Variants in DLG2 observed in about 807,000 individuals in gnomAD.
DLG2 encodes the protein discs large MAGUK scaffold protein 2.
In DLG2, 45 loss-of-function variants were observed where a neutral mutation model predicts 132.5. The observed-to-expected ratio is 0.34, with a 90% CI of 0.27 to 0.44. DLG2 has a LOEUF of 0.44. Ranked by LOEUF, DLG2 falls within the 20% of genes least tolerant of loss-of-function variation. The pLI, the probability that DLG2 is intolerant of heterozygous loss-of-function variation, is 1.00. For synonymous variants in DLG2, 424 were observed against 419.6 expected (o/e 1.01, Z -0.13); for missense variants, 1,045 against 1,196.9 (o/e 0.87, Z 1.87).
intron 3 of DLG2, among the ~76,000 whole-genome samples, chr11:85,332,990 G>T (rs951313092): frequency 2.0e-5 from 3 of 152,124 alleles, no homozygotes; most frequent in Admixed American, 2.0e-4. Context: ...TTTGAAAAAT[G>T]TCATTGCTAG....
At chr11:85,116,081 C>A (rs965889770) in intron 5 of DLG2, among the ~76,000 whole-genome samples, 2 of 151,924 alleles carry the variant, frequency 1.3e-5, no homozygotes, top group Admixed American at 1.3e-4. Flanking sequence ...AAAAAGAGGT[C>A]AAAACGTGAT....
Position 84,878,770 on chromosome 11 carries a change from G to A in DLG2, c.357+232891C>T, listed in dbSNP as rs567117084. Reference sequence around the variant, plus strand: ...TTGTGGAAACAGATCTTCTCTAACAGAAAAATATAAGTGAGCTACAAGACA... The same window carrying A: ...TTGTGGAAACAGATCTTCTCTAACAAAAAAATATAAGTGAGCTACAAGACA... On this transcript the variant is annotated intron_variant, in intron 6 of 27. Coordinates refer to ENST00000376104, the MANE Select transcript of DLG2 (RefSeq NM_001142699.3). 6.1e-4 allele frequency among the ~76,000 whole-genome samples: 93 copies of A among 152,238 alleles called. No homozygotes were observed. In the South Asian group the frequency reaches 0.018, roughly 29 times the overall value.
chr11:84,245,551 C>T (rs2097292258), intron 8 of DLG2, among the ~76,000 whole-genome samples: 1 of 152,098 alleles, frequency 6.6e-6, no homozygotes, highest in African/African-American at 2.4e-5. Context: ...AAACTTCTCC[C>T]TTGTCTCCAC....
chr11:83,706,768 G>A (rs1166322360), intron 18 of DLG2, among the ~76,000 whole-genome samples: 3 of 152,182 alleles, frequency 2.0e-5, no homozygotes, highest in Non-Finnish European at 4.4e-5. Flanking sequence ...AGTGGCGAGT[G>A]GGCTCTCGGG....
intron 18 of DLG2, among the ~76,000 whole-genome samples, chr11:83,689,951 ATAT>A (rs2080599463): frequency 7.2e-6 from 1 of 138,780 alleles, no homozygotes; most frequent in African/African-American, 2.6e-5. Context: ...TATATTATAT[ATAT>A]TTATATAATA....
At chr11:85,208,789 C>A (rs1437834049) in intron 4 of DLG2, among the ~76,000 whole-genome samples, 1 of 151,960 alleles carries the variant, frequency 6.6e-6, no homozygotes, top group African/African-American at 2.4e-5. Flanking sequence ...AGAGGTGAAC[C>A]ACAAAATCAG....
chr11:85,097,888 C>T (rs1006706017), intron 6 of DLG2, among the ~76,000 whole-genome samples: 1 of 152,184 alleles, frequency 6.6e-6, no homozygotes, highest in Admixed American at 6.5e-5. Flanking sequence ...CCTTACTCTG[C>T]ATGCAATATT....
At chr11:83,572,241 C>A (rs1385974857) in intron 19 of DLG2, among the ~76,000 whole-genome samples, 1 of 151,822 alleles carries the variant, frequency 6.6e-6, no homozygotes, top group Non-Finnish European at 1.5e-5. Flanking sequence ...AAGCATACAC[C>A]CTTTGGGCTT....
intron 18 of DLG2, among the ~76,000 whole-genome samples, chr11:83,742,396 A>C (rs2092593557): frequency 6.6e-6 from 1 of 152,144 alleles, no homozygotes; most frequent in Non-Finnish European, 1.5e-5. Flanking sequence ...TAGTACTCTA[A>C]GGAAAAAAAA....
At chr11:83,740,516 T>C (rs988075277) in intron 18 of DLG2, among the ~76,000 whole-genome samples, 1 of 152,198 alleles carries the variant, frequency 6.6e-6, no homozygotes, top group Non-Finnish European at 1.5e-5. Context: ...GCAGTACTTC[T>C]GGGAGAAGTA....
At position 84,502,760 on chromosome 11, in the gene DLG2, G is replaced by T. The variant is rs73525726; in HGVS notation, c.519+31810C>A. Among the ~76,000 whole-genome samples the T allele has an allele frequency of 1.3e-3, 201 of 151,988 alleles. 1 individual carries two copies. Among genetic ancestry groups the T allele is most frequent in the African/African-American group, 4.6e-3 (191 of 41,456 alleles). On this transcript the variant is annotated intron_variant, in intron 7 of 27. Coordinates refer to ENST00000376104, the MANE Select transcript of DLG2 (RefSeq NM_001142699.3). ...GAGTGTTTACTTATTTCACTATGTAGGTCTACAGATTATCCAGCCCTTTAA... is the reference window on the plus strand; with the variant it reads ...GAGTGTTTACTTATTTCACTATGTATGTCTACAGATTATCCAGCCCTTTAA...
intron 6 of DLG2, among the ~76,000 whole-genome samples, chr11:84,728,334 T>A (rs1443855862): frequency 6.6e-6 from 1 of 152,194 alleles, no homozygotes; most frequent in Non-Finnish European, 1.5e-5. Context: ...CTTTTCTGCA[T>A]CTATTGAGAT....
intron 18 of DLG2, among the ~76,000 whole-genome samples, chr11:83,763,843 G>A (rs1593909694): frequency 6.6e-6 from 1 of 152,176 alleles, no homozygotes; most frequent in East Asian, 1.9e-4. Context: ...CTACAATATT[G>A]TCTGTCCTTC....
rs187205338 is a variant in DLG2, at chr11:85,108,280, G to A, written c.357+3381C>T. 9.9e-5 allele frequency among the ~76,000 whole-genome samples: 15 copies of A among 152,144 alleles called. No homozygotes were observed. The East Asian group carries it at 2.9e-3, about 29-fold the overall frequency. Reference sequence around the variant, plus strand: ...GAGCAAGAATAGGACAGTGGAGAAAGGAATGTAGGAGAGAATAAACTGAAT... The same window carrying A: ...GAGCAAGAATAGGACAGTGGAGAAAAGAATGTAGGAGAGAATAAACTGAAT... On this transcript the variant is annotated intron_variant, in intron 6 of 27. Coordinates refer to ENST00000376104, the MANE Select transcript of DLG2 (RefSeq NM_001142699.3).
intron 6 of DLG2, among the ~76,000 whole-genome samples, chr11:84,667,498 G>GTTTTTTTTTTTTTTTTTTT (rs57863742): frequency 1.2e-4 from 15 of 122,238 alleles, no homozygotes; most frequent in South Asian, 2.7e-4. Context: ...TTTGTTTTTT[G>GTTTTTTTTTTTTTTTTTTT]TTTTTTTTTT....
At chr11:83,672,714 G>A (rs2077032520) in intron 18 of DLG2, among the ~76,000 whole-genome samples, 2 of 152,056 alleles carry the variant, frequency 1.3e-5, no homozygotes, top group Admixed American at 6.6e-5. Context: ...TTGTGTTGAG[G>A]CATCATGTGA....
intron 15 of DLG2, among the ~76,000 whole-genome samples, chr11:83,884,991 T>TG (rs1351295497): frequency 6.6e-6 from 1 of 151,774 alleles, no homozygotes; most frequent in Non-Finnish European, 1.5e-5. Flanking sequence ...ACCACAAAGA[T>TG]GGGGAAAAAA....
chr11:83,635,306 C>G (rs12273560), intron 18 of DLG2, among the ~76,000 whole-genome samples: 1 of 152,008 alleles, frequency 6.6e-6, no homozygotes, highest in Non-Finnish European at 1.5e-5. Flanking sequence ...TTGAGCAAGT[C>G]GTATTTTCTT....
At chr11:83,515,503 T>G (rs572254270) in intron 21 of DLG2, among the ~76,000 whole-genome samples, 4 of 152,124 alleles carry the variant, frequency 2.6e-5, no homozygotes, top group Non-Finnish European at 5.9e-5. Context: ...TTTTGAAGGG[T>G]TTTTTGTGTC....
Sources: gnomAD v4.1 joint callset for allele counts (sites outside exome capture counted in the v4.1 genomes callset) on GRCh38, gnomAD v4.1.1 for gene constraint, MANE v1.5 for transcripts, NCBI Gene and HGNC (gene_info 2026-07-23, HGNC 2026-07-21) for gene names.